CREBBP: variants seen among roughly 807,000 people sequenced by gnomAD.
CREBBP encodes CREB binding lysine acetyltransferase, also known as CREB-binding protein.
A neutral mutation model predicts 265.0 loss-of-function variants in CREBBP; 19 were observed. The ratio of observed to expected loss-of-function variants is 0.07; its 90% CI spans 0.05 to 0.11. The LOEUF is 0.11. CREBBP is among the 10% of genes least tolerant of loss of function. The pLI, the probability that CREBBP is intolerant of heterozygous loss-of-function variation, is 1.00. For missense variants in CREBBP, 2,525 were observed against 3,219.0 expected, an observed-to-expected ratio of 0.78 and a Z score of 5.22; for synonymous variants, 1,457 against 1,223.7, an observed-to-expected ratio of 1.19 and a Z score of -3.98.
chr16:3,761,683 C>T, intron 16 of CREBBP: 1 of 472,824 alleles, frequency 2.1e-6, no homozygotes, highest in Non-Finnish European at 4.2e-6. Flanking sequence ...ACGCAGCACT[C>T]CCCACGCACA....
At position 3,731,698 on chromosome 16, in the gene CREBBP, G is replaced by C. The variant is rs1019884290; in HGVS notation, c.4890+78C>G. 6.3e-7 allele frequency: 1 copy of C among 1,594,588 alleles called. No individual in the cohort carries two copies. The highest frequency in any genetic ancestry group is 1.7e-5 in the Admixed American group (1 of 59,988). On this transcript the variant is annotated intron_variant, in intron 29 of 30. Transcript: ENST00000262367. The surrounding 1 kb of genome is among the most constrained non-coding windows in gnomAD (Gnocchi z 7.7). ...TCCCTCCCACCACAGACCTGCACAC[G>C]GGCCCACGCCCGCCAGCTGCGAGTC...
In CREBBP at chr16:3,879,905, G is replaced by A. The variant is rs753627831; in HGVS notation, c.12C>T (p.Asn4=). The A allele has an allele frequency of 1.9e-6, 3 of 1,612,460 alleles. No homozygotes were observed. Among genetic ancestry groups the A allele is most frequent in the Non-Finnish European group, 2.5e-6 (3 of 1,179,276 alleles). The change falls in exon 1 of 31, where the codon AAC becomes AAT. Residue 4 remains asparagine (N), a synonymous_variant. Transcript: ENST00000262367. ...TGGGGTTGGGCGGTCCGTCCAGCAA[G>A]TTCTCAGCCATTTTCACCTGCTCGC... MAE[N]LLDGPPNPKR... is the part of the protein sequence containing the mutation.
intron 1 of CREBBP, among the ~76,000 whole-genome samples, chr16:3,867,545 C>T (rs1191139352): frequency 6.6e-6 from 1 of 152,004 alleles, no homozygotes; most frequent in Non-Finnish European, 1.5e-5. Context: ...ATAGAGAAAA[C>T]ATTAAAATTG....
rs201435679 is a variant in CREBBP at position 3,850,660 on chromosome 16, G to A, written c.435C>T (p.Pro145=). The change falls in exon 2 of 31, where the codon CCC becomes CCT. Residue 145 remains proline (P), a synonymous_variant. Transcript: ENST00000262367. ...KQAASTSGPT[P]AASQALNPQA... Reference sequence around the variant, plus strand: ...GCGGATTCAGTGCTTGGGAGGCAGCGGGGGTGGGCCCAGAGGTGCTGGCTG... The same window carrying A: ...GCGGATTCAGTGCTTGGGAGGCAGCAGGGGTGGGCCCAGAGGTGCTGGCTG... The A allele has an allele frequency of 3.0e-5, 48 of 1,614,186 alleles. No homozygotes were observed. The highest frequency in any genetic ancestry group is 1.6e-4 in the Middle Eastern group (1 of 6,062).
chr16:3,820,263 A>G (rs2141377115), intron 2 of CREBBP, among the ~76,000 whole-genome samples: 1 of 152,364 alleles, frequency 6.6e-6, no homozygotes, highest in South Asian at 2.1e-4. Flanking sequence ...GTTGTCTGCT[A>G]TCACTCGCTT....
At chr16:3,854,097 C>T (rs2054911753) in intron 1 of CREBBP, among the ~76,000 whole-genome samples, 1 of 152,192 alleles carries the variant, frequency 6.6e-6, no homozygotes, top group Non-Finnish European at 1.5e-5. Context: ...TCTGAAGTGG[C>T]TGCCTGGGAG....
intron 1 of CREBBP, among the ~76,000 whole-genome samples, chr16:3,861,753 T>C (rs1227632573): frequency 6.7e-6 from 1 of 149,652 alleles, no homozygotes; most frequent in African/African-American, 2.5e-5. Context: ...CCAAAAGACA[T>C]CTAACTTTTT....
chr16:3,740,522 T>C lies in CREBBP; in HGVS notation c.4010A>G (p.His1337Arg), dbSNP rs2151341069. 1 of 1,614,188 alleles carries C rather than the reference T, an allele frequency of 6.2e-7. No homozygotes were observed. The highest frequency in any genetic ancestry group is 8.5e-7 in the Non-Finnish European group (1 of 1,180,024). Residue 1337 changes from histidine (H) to arginine (R), a missense_variant, in exon 24 of 31, where the codon CAC becomes CGC. Coordinates refer to ENST00000262367, the MANE Select transcript of CREBBP (RefSeq NM_004380.3). The stretch of plus-strand genomic sequence containing the variant: ...AAATTTGTTCACTCGGTCTTCCAAG[T>C]GGTTTCCCAGTCTTGTGGTCTGCAG... ...KRLQTTRLGN[H>R]LEDRVNKFLR... is the part of the protein sequence containing the mutation.
chr16:3,800,831 G>T (rs1410994679), intron 3 of CREBBP, among the ~76,000 whole-genome samples: 6 of 152,214 alleles, frequency 3.9e-5, no homozygotes, highest in Non-Finnish European at 8.8e-5. Flanking sequence ...GGTGTGAGAG[G>T]CTAGATTACA....
At chr16:3,860,544 G>A (rs922004950) in intron 1 of CREBBP, among the ~76,000 whole-genome samples, 4 of 152,062 alleles carry the variant, frequency 2.6e-5, no homozygotes, top group Admixed American at 6.5e-5. Context: ...CTAAGTTAAC[G>A]GACACAGGAA....
At chr16:3,801,539 G>A (rs370765258) in intron 3 of CREBBP, among the ~76,000 whole-genome samples, 9 of 152,140 alleles carry the variant, frequency 5.9e-5, no homozygotes, top group Middle Eastern at 3.4e-3. Context: ...GTGTGGTGGC[G>A]CACACCTGTA....
chr16:3,762,485 G>C (rs2151392117), intron 16 of CREBBP, among the ~76,000 whole-genome samples: 1 of 150,982 alleles, frequency 6.6e-6, no homozygotes, highest in African/African-American at 2.4e-5. Flanking sequence ...TGGCCGAGGA[G>C]AGCATTTTCA....
At chr16:3,747,371 T>C (rs1341947554) in intron 21 of CREBBP, among the ~76,000 whole-genome samples, 3 of 152,238 alleles carry the variant, frequency 2.0e-5, no homozygotes, top group Non-Finnish European at 2.9e-5. Flanking sequence ...TCTAGGGGCC[T>C]TGTAGTTTTA....
chr16:3,812,469 G>A (rs1306794537), intron 2 of CREBBP, among the ~76,000 whole-genome samples: 1 of 151,928 alleles, frequency 6.6e-6, no homozygotes, highest in East Asian at 1.9e-4. Flanking sequence ...GTGAGCCACT[G>A]CGCCCGGCCT....
chr16:3,748,655 G>T (rs1464398593), intron 21 of CREBBP, among the ~76,000 whole-genome samples: 1 of 152,202 alleles, frequency 6.6e-6, no homozygotes, highest in African/African-American at 2.4e-5. Flanking sequence ...TTCCCAAGTA[G>T]CCAACGCTCC....
intron 19 of CREBBP, among the ~76,000 whole-genome samples, chr16:3,756,179 AC>A (rs2052581858): frequency 6.6e-6 from 1 of 152,120 alleles, no homozygotes; most frequent in Non-Finnish European, 1.5e-5. Context: ...AAAACGCCAA[AC>A]CCCACTGTTG....
intron 2 of CREBBP, among the ~76,000 whole-genome samples, chr16:3,813,437 T>C (rs370737852): frequency 7.2e-5 from 11 of 152,186 alleles, no homozygotes; most frequent in African/African-American, 1.9e-4. Flanking sequence ...TGAAACTTAA[T>C]TGAAGCAGGA....
chr16:3,839,299 G>A (rs1004986622), intron 2 of CREBBP, among the ~76,000 whole-genome samples: 1 of 152,198 alleles, frequency 6.6e-6, no homozygotes, highest in African/African-American at 2.4e-5. Context: ...TATTACTACT[G>A]CTGCTGCAGT....
chr16:3,825,952 T>TG (rs2054228649), intron 2 of CREBBP, among the ~76,000 whole-genome samples: 1 of 152,256 alleles, frequency 6.6e-6, no homozygotes, highest in African/African-American at 2.4e-5. Flanking sequence ...CCAGGCATGG[T>TG]GGCTCATGCC....
Sources: allele counts gnomAD v4.1 joint callset (sites outside exome capture counted in the v4.1 genomes callset), GRCh38; gene constraint gnomAD v4.1.1; non-coding constraint Gnocchi (gnomAD v3.1); transcripts MANE v1.5; gene names NCBI Gene and HGNC (gene_info 2026-07-23, HGNC 2026-07-21).